The following ATP8A2 variants were observed in gnomAD, a reference collection of about 807,000 sequenced individuals.
ATP8A2 encodes the protein phospholipid-transporting ATPase IB.
A neutral mutation model predicts 165.6 loss-of-function variants in ATP8A2; 100 were observed. The ratio of observed to expected loss-of-function variants is 0.60; its 90% CI spans 0.51 to 0.71. The LOEUF is 0.71. Among genes scored for constraint, ATP8A2 ranks in the 30% least tolerant of loss-of-function variants. The pLI is 0.00. For missense variants in ATP8A2, 1,227 were observed against 1,479.5 expected (o/e 0.83, Z 2.80); for synonymous variants, 543 against 548.8 (o/e 0.99, Z 0.15).
intron 2 of ATP8A2, among the ~76,000 whole-genome samples, chr13:25,510,522 A>G (rs1056646462): frequency 3.9e-5 from 6 of 152,212 alleles, no homozygotes; most frequent in Non-Finnish European, 8.8e-5. Context: ...CTGTGCTGAA[A>G]GCCAGCCTGC....
intron 1 of ATP8A2, among the ~76,000 whole-genome samples, chr13:25,388,520 C>T (rs546126113): frequency 1.2e-4 from 19 of 152,190 alleles, no homozygotes; most frequent in African/African-American, 1.9e-4. Context: ...GCAGGGAGTA[C>T]GTGACTGGGG....
chr13:25,734,054 G>C (rs2043713340), intron 25 of ATP8A2, among the ~76,000 whole-genome samples: 1 of 152,082 alleles, frequency 6.6e-6, no homozygotes, highest in South Asian at 2.1e-4. Context: ...TTCTCTTCAT[G>C]TTACATTTCT....
At chr13:25,891,133 A>G (rs74039587) in intron 33 of ATP8A2, among the ~76,000 whole-genome samples, 10,519 of 152,074 alleles carry the variant, frequency 0.069, 911 homozygotes, top group African/African-American at 0.19. Context: ...GTCCCCTAAG[A>G]TTTACTTTTG....
chr13:25,587,511 T>C lies in ATP8A2; in HGVS notation c.2147-2124T>C, dbSNP rs549019708. On this transcript the variant is annotated intron_variant, in intron 23 of 36. Coordinates refer to ENST00000381655, the MANE Select transcript of ATP8A2 (RefSeq NM_016529.6). ...TTGTCAAATGGCATTTTGCTTAAAT[T>C]GAAAAATATAAAATAAAGCAGCAAG... is the stretch of plus-strand genomic sequence containing the variant. Among the ~76,000 whole-genome samples the C allele has an allele frequency of 4.6e-5, 7 of 152,262 alleles. No individual in the cohort carries two copies. The South Asian group carries it at 1.5e-3, about 32-fold the overall frequency.
At chr13:25,460,726 G>A (rs1203598425) in intron 1 of ATP8A2, among the ~76,000 whole-genome samples, 1 of 152,146 alleles carries the variant, frequency 6.6e-6, no homozygotes, top group East Asian at 1.9e-4. Context: ...AGCCAACTAG[G>A]TTGTAAATAA....
intron 24 of ATP8A2, among the ~76,000 whole-genome samples, chr13:25,673,958 T>C (rs960035591): frequency 6.6e-6 from 1 of 152,180 alleles, no homozygotes; most frequent in African/African-American, 2.4e-5. Flanking sequence ...AAGCTAATGT[T>C]TTCAACAAGC....
At chr13:25,730,008 C>G (rs1201180155) in intron 25 of ATP8A2, among the ~76,000 whole-genome samples, 2 of 152,142 alleles carry the variant, frequency 1.3e-5, no homozygotes, top group Non-Finnish European at 2.9e-5. Flanking sequence ...TATTAGAAAG[C>G]AGCCTGGCGC....
intron 33 of ATP8A2, among the ~76,000 whole-genome samples, chr13:25,935,045 C>G (rs903693339): frequency 5.9e-5 from 9 of 152,152 alleles, no homozygotes; most frequent in African/African-American, 2.2e-4. Flanking sequence ...TGCTACTAAG[C>G]TAAGCTATAT....
chr13:25,572,522 A>G (rs1252128835), intron 18 of ATP8A2, among the ~76,000 whole-genome samples: 2 of 152,134 alleles, frequency 1.3e-5, no homozygotes, highest in Admixed American at 6.5e-5. Context: ...GAGTTTCCTT[A>G]CCTACAGGCC....
chr13:25,577,251 G>A, intron 20 of ATP8A2, 113 bp downstream of exon 20: 1 of 940,316 alleles, frequency 1.1e-6, no homozygotes, highest in Non-Finnish European at 1.7e-6. Flanking sequence ...AGAGTTGAAA[G>A]ACTGTTTCAG....
At chr13:25,712,325 G>T (rs1196487114) in intron 25 of ATP8A2, among the ~76,000 whole-genome samples, 3 of 151,974 alleles carry the variant, frequency 2.0e-5, no homozygotes, top group Non-Finnish European at 4.4e-5. Flanking sequence ...TCTTCCAGGT[G>T]TGGAGGTGGC....
At chr13:25,584,269 G>A (rs1165826343) in intron 23 of ATP8A2, among the ~76,000 whole-genome samples, 1 of 152,178 alleles carries the variant, frequency 6.6e-6, no homozygotes, top group Non-Finnish European at 1.5e-5. Context: ...AGACTTTTCA[G>A]TGTGGGACCA....
At chr13:25,864,429 G>A (rs1952446937) in intron 33 of ATP8A2, among the ~76,000 whole-genome samples, 1 of 152,058 alleles carries the variant, frequency 6.6e-6, no homozygotes, top group African/African-American at 2.4e-5. Flanking sequence ...AACTGCAGAA[G>A]GACCAGGCTG....
At chr13:25,674,121 G>A (rs759505114) in intron 24 of ATP8A2, among the ~76,000 whole-genome samples, 3 of 152,082 alleles carry the variant, frequency 2.0e-5, no homozygotes, top group Non-Finnish European at 4.4e-5. Context: ...TTAGTTAAAA[G>A]CCAACCATTC....
At chr13:25,513,133 C>T (rs920690035) in intron 2 of ATP8A2, among the ~76,000 whole-genome samples, 14 of 151,830 alleles carry the variant, frequency 9.2e-5, no homozygotes, top group African/African-American at 3.1e-4. Flanking sequence ...GGGTGGCTGC[C>T]GGGCGGAGGG....
chr13:25,858,868 G>A (rs1315518219), intron 30 of ATP8A2, among the ~76,000 whole-genome samples: 11 of 152,060 alleles, frequency 7.2e-5, no homozygotes, highest in African/African-American at 1.9e-4. Context: ...AATAGATGCC[G>A]GAGAACTTGA....
chr13:25,502,206 G>A (rs2036875612), intron 2 of ATP8A2, among the ~76,000 whole-genome samples: 1 of 152,188 alleles, frequency 6.6e-6, no homozygotes, highest in South Asian at 2.1e-4. Flanking sequence ...CAGCAGTCAT[G>A]TGTCATTGTG....
intron 24 of ATP8A2, among the ~76,000 whole-genome samples, chr13:25,651,826 T>C (rs1243403299): frequency 6.6e-6 from 1 of 152,190 alleles, no homozygotes; most frequent in African/African-American, 2.4e-5. Flanking sequence ...ATTTAACTGA[T>C]ATCTTGGTTA....
chr13:25,699,849 T>G (rs894353428), intron 25 of ATP8A2, among the ~76,000 whole-genome samples: 2 of 152,148 alleles, frequency 1.3e-5, no homozygotes, highest in African/African-American at 4.8e-5. Context: ...AAGGTTTTTT[T>G]TTTTCAGTTG....
Sources: gnomAD v4.1 joint callset for allele counts (sites outside exome capture counted in the v4.1 genomes callset) on GRCh38, gnomAD v4.1.1 for gene constraint, MANE v1.5 for transcripts, NCBI Gene and HGNC (gene_info 2026-07-23, HGNC 2026-07-21) for gene names.